ZKSCAN1: variants seen among roughly 807,000 people sequenced by gnomAD.
ZKSCAN1 encodes the protein zinc finger with KRAB and SCAN domains 1.
A neutral mutation model predicts 51.6 loss-of-function variants in ZKSCAN1; 14 were observed. The ratio of observed to expected loss-of-function variants is 0.27; its 90% CI spans 0.18 to 0.42. The LOEUF (loss-of-function observed/expected upper bound fraction) is 0.42. Ranked by LOEUF, ZKSCAN1 falls within the 10% of genes least tolerant of loss-of-function variation. The probability of loss-of-function intolerance (pLI) is 1.00; values close to 1 mark genes in which losing one functional copy is unlikely to be tolerated. For missense variants in ZKSCAN1, 531 were observed against 710.0 expected, an observed-to-expected ratio of 0.75 and a Z score of 2.86; for synonymous variants, 263 against 261.5, an observed-to-expected ratio of 1.01 and a Z score of -0.06.
chr7:100,044,657 GGTGATGGC>G (rs1488223236), downstream of ZKSCAN1: 1 of 505,382 alleles, frequency 2.0e-6, no homozygotes, highest in Non-Finnish European at 2.5e-6. Flanking sequence ...CTCCAGCCTG[GGTGATGGC>G]GTGAGACTCT....
downstream of ZKSCAN1, among the ~76,000 whole-genome samples, chr7:100,042,557 A>G (rs1791626171): frequency 6.6e-6 from 1 of 151,994 alleles, no homozygotes; most frequent in Non-Finnish European, 1.5e-5. Context: ...GACTGCCCCC[A>G]TTTCAGACGC....
chr7:100,019,635 T>A (rs991291582), intron 1 of ZKSCAN1, among the ~76,000 whole-genome samples: 3 of 152,236 alleles, frequency 2.0e-5, no homozygotes, highest in Non-Finnish European at 1.5e-5. Context: ...TTATTTCAAA[T>A]TCTGCCTCTA....
rs1791530471 is a variant in ZKSCAN1 at position 100,040,070 on chromosome 7, C to T, written c.*5873C>T. 1.1e-6 allele frequency: 1 copy of T among 886,226 alleles called. No homozygotes were observed. Among genetic ancestry groups the T allele is most frequent in the South Asian group, 5.2e-5 (1 of 19,262 alleles). 54.9% of individuals were successfully genotyped at this position (886,226 alleles called of 1,614,324 possible). A position where few individuals can be genotyped will look rare whatever the true frequency, so the allele number is the denominator to read the frequency against. On this transcript the variant is annotated 3_prime_UTR_variant, in exon 6 of 6. Transcript: ENST00000324306. Reference sequence around the variant, plus strand: ...TTTTATTATCTGAAAATGAAATTATCTGTTTTACTTTTCAAAGCTTTGTGA... The same window carrying T: ...TTTTATTATCTGAAAATGAAATTATTTGTTTTACTTTTCAAAGCTTTGTGA...
Position 100,029,771 on chromosome 7 carries a change from C to T in ZKSCAN1, c.581-90C>T, listed in dbSNP as rs1337584957. 5 of 1,214,382 alleles carry T rather than the reference C, an allele frequency of 4.1e-6. No homozygotes were observed. The East Asian group carries it at 1.2e-4, about 29-fold the overall frequency. The allele number at this position is 1,214,382 out of a possible 1,614,324, so 75.2% of individuals were successfully genotyped here. A position where few individuals can be genotyped will look rare whatever the true frequency, so the allele number is the denominator to read the frequency against. On this transcript the variant is annotated intron_variant, in intron 3 of 5. Transcript: ENST00000324306. ...ACCTAAACACTGAACAGTGAACATG[C>T]TGGTGCAGGAAGGAACATGCCCCGA...
In ZKSCAN1 at chr7:100,029,876, A is replaced by G. The variant is rs1189424100; in HGVS notation, c.596A>G (p.His199Arg). The change falls in exon 4 of 6, where the codon CAC becomes CGC. Residue 199 changes from histidine to arginine, a missense_variant. Around this residue, in one of 2 missense-constraint regions of ZKSCAN1, gnomAD observed 403 missense variants for 490.5 expected, o/e 0.82. Coordinates refer to ENST00000324306, the MANE Select transcript of ZKSCAN1 (RefSeq NM_003439.4). ...CCTCCCCCAGCTCTTCCTGCTGCCCACATTCCTGCACCCCCTCATGAGGGT... is the reference window on the plus strand; with the variant it reads ...CCTCCCCCAGCTCTTCCTGCTGCCCGCATTCCTGCACCCCCTCATGAGGGT... ...LLQSRALPAA[H>R]IPAPPHEGSP... The G allele has an allele frequency of 5.0e-6, 8 of 1,613,944 alleles. No individual in the cohort carries two copies. The highest frequency in any genetic ancestry group is 6.8e-6 in the Non-Finnish European group (8 of 1,179,974).
At chr7:100,028,492 G>A (rs577967757) in intron 3 of ZKSCAN1, among the ~76,000 whole-genome samples, 5 of 152,222 alleles carry the variant, frequency 3.3e-5, no homozygotes, top group Admixed American at 6.5e-5. Flanking sequence ...CAACCTGGGT[G>A]ACAGAGAGCC....
Position 100,035,374 on chromosome 7 carries a change from TATC to T in ZKSCAN1, c.*1181_*1183del, listed in dbSNP as rs1449761455. The T allele has an allele frequency of 1.3e-5, 2 of 152,244 alleles. No homozygotes were observed. Among genetic ancestry groups the T allele is most frequent in the African/African-American group, 4.8e-5 (2 of 41,464 alleles). The allele number at this position is 152,244 out of a possible 1,614,324, so 9.4% of individuals were successfully genotyped here. ...TACCATGGAATGTCAGAAATGACTT[TATC>T]ATCGTCATCTTGAAGAAAAATATGA... On this transcript the variant is annotated 3_prime_UTR_variant, in exon 6 of 6. Coordinates refer to ENST00000324306, the MANE Select transcript of ZKSCAN1 (RefSeq NM_003439.4).
downstream of ZKSCAN1, among the ~76,000 whole-genome samples, chr7:100,042,484 A>G (rs1791623990): frequency 6.6e-6 from 1 of 152,012 alleles, no homozygotes; most frequent in Non-Finnish European, 1.5e-5. Flanking sequence ...ATACGATTCA[A>G]TTCAATTCTG....
rs929271112 is a variant in ZKSCAN1, at chr7:100,035,169, T to C, written c.*972T>C. ...CTGACTTCTACAGGACTTCTACGTG[T>C]GTGATAAAAGCCTGTGAATCGTGAG... is the stretch of plus-strand genomic sequence containing the variant. On this transcript the variant is annotated 3_prime_UTR_variant, in exon 6 of 6. Transcript: ENST00000324306. The C allele has an allele frequency of 1.3e-5, 2 of 152,474 alleles. No homozygotes were observed. The highest frequency in any genetic ancestry group is 4.8e-5 in the African/African-American group (2 of 41,426). The allele number at this position is 152,474 out of a possible 1,614,324, so 9.4% of individuals were successfully genotyped here. A position where few individuals can be genotyped will look rare whatever the true frequency, so the allele number is the denominator to read the frequency against.
intron 1 of ZKSCAN1, among the ~76,000 whole-genome samples, chr7:100,016,295 A>T (rs1431266754): frequency 6.6e-6 from 1 of 152,078 alleles, no homozygotes; most frequent in Admixed American, 6.6e-5. Context: ...CATAGTGGAT[A>T]AATAGGTGAT....
chr7:100,024,409 C>T (rs1458201160), intron 3 of ZKSCAN1, 102 bp downstream of exon 3: 9 of 1,396,236 alleles, frequency 6.4e-6, no homozygotes, highest in African/African-American at 2.9e-5. Context: ...TCCTGGGCAA[C>T]GTAGCGAGAC....
chr7:100,033,343 A>G lies in ZKSCAN1; in HGVS notation c.838A>G (p.Lys280Glu), dbSNP rs867365858. The G allele has an allele frequency of 2.5e-6, 4 of 1,612,732 alleles. No individual in the cohort carries two copies. The highest frequency in any genetic ancestry group is 3.3e-4 in the Middle Eastern group (2 of 6,060). ...GAATGAGAACGAGGAGTCAACCTCA[A>G]AGGCTGAAACCTCGGAAGATTCAGC... ...NRNENEESTSKAETSEDSASR... is the reference protein window; with the variant it reads ...NRNENEESTSEAETSEDSASR... The change falls in exon 6 of 6, where the codon AAG becomes GAG. Residue 280 changes from lysine to glutamate, a missense_variant. Physicochemically the swap from Lys to Glu is moderately conservative, Grantham distance 56. Coordinates refer to ENST00000324306, the MANE Select transcript of ZKSCAN1 (RefSeq NM_003439.4). The surrounding 1 kb of genome is among the most constrained non-coding windows in gnomAD (Gnocchi z 4.1).
At chr7:100,026,050 G>A (rs1165725225) in intron 3 of ZKSCAN1, among the ~76,000 whole-genome samples, 4 of 151,878 alleles carry the variant, frequency 2.6e-5, no homozygotes, top group Non-Finnish European at 5.9e-5. Context: ...GAGAAACCCC[G>A]TCTTTACTAA....
In ZKSCAN1 at chr7:100,034,173, C is replaced by T. The variant is rs147984747; in HGVS notation, c.1668C>T (p.Gly556=). The change falls in exon 6 of 6, where the codon GGC becomes GGT. Residue 556 remains glycine, a synonymous_variant. Coordinates refer to ENST00000324306, the MANE Select transcript of ZKSCAN1 (RefSeq NM_003439.4). ...GCCCAGCCTCCCTTGATGCATTTGG[C>T]GCGTTCCTGAAAAGTTGTGTGTAAA... is the stretch of plus-strand genomic sequence containing the variant. The part of the protein sequence containing the change: ...EYSPASLDAF[G]AFLKSCV 30 of 1,513,602 alleles carry T rather than the reference C, an allele frequency of 2.0e-5. No homozygotes were observed. Among genetic ancestry groups the T allele is most frequent in the African/African-American group, 1.9e-4 (14 of 71,868 alleles). 93.8% of individuals were successfully genotyped at this position (1,513,602 alleles called of 1,614,324 possible). A position where few individuals can be genotyped will look rare whatever the true frequency, so the allele number is the denominator to read the frequency against.
In ZKSCAN1 at chr7:100,039,009, GGTT is replaced by G. The variant is rs1791484229; in HGVS notation, c.*4814_*4816del. Reference sequence around the variant, plus strand: ...GACTCCATGTCAAAAAAAAAAAAAAGGTTGGGGGGAGGATAGGACTGGCCAGGC... The same window carrying G: ...GACTCCATGTCAAAAAAAAAAAAAAGGGGGGGAGGATAGGACTGGCCAGGC... On this transcript the variant is annotated 3_prime_UTR_variant, in exon 6 of 6. Coordinates refer to ENST00000324306, the MANE Select transcript of ZKSCAN1 (RefSeq NM_003439.4). The G allele has an allele frequency of 6.8e-6, 1 of 147,222 alleles. No individual in the cohort carries two copies. The highest frequency in any genetic ancestry group is 1.5e-5 in the Non-Finnish European group (1 of 68,856). 9.1% of individuals were successfully genotyped at this position (147,222 alleles called of 1,614,324 possible). A position where few individuals can be genotyped will look rare whatever the true frequency, so the allele number is the denominator to read the frequency against.
In ZKSCAN1 at chr7:100,039,716, G is replaced by A. The variant is rs888348080; in HGVS notation, c.*5519G>A. 8 of 985,290 alleles carry A rather than the reference G, an allele frequency of 8.1e-6. No individual in the cohort carries two copies. Among genetic ancestry groups the A allele is most frequent in the Non-Finnish European group, 9.6e-6 (8 of 829,962 alleles). 61.0% of individuals were successfully genotyped at this position (985,290 alleles called of 1,614,324 possible). ...CAGAACTGAAATACACTTAAACAGTGACAGCAGTACTTCCCAGGGTGGGGG... is the reference window on the plus strand; with the variant it reads ...CAGAACTGAAATACACTTAAACAGTAACAGCAGTACTTCCCAGGGTGGGGG... On this transcript the variant is annotated 3_prime_UTR_variant, in exon 6 of 6. Coordinates refer to ENST00000324306, the MANE Select transcript of ZKSCAN1 (RefSeq NM_003439.4).
Position 100,041,107 on chromosome 7 carries a change from C to A in ZKSCAN1, c.*6910C>A. On this transcript the variant is annotated 3_prime_UTR_variant, in exon 6 of 6. Transcript: ENST00000324306. ...AGCCTAAATCTATATAGAGGGCTAA[C>A]TCAGGCATTGTCTTGTTTATTTGTA... is the stretch of plus-strand genomic sequence containing the variant. The A allele has an allele frequency of 1.2e-6, 1 of 859,922 alleles. No homozygotes were observed. Among genetic ancestry groups the A allele is most frequent in the Non-Finnish European group, 1.4e-6 (1 of 715,506 alleles). 53.3% of individuals were successfully genotyped at this position (859,922 alleles called of 1,614,324 possible).
Position 100,038,856 on chromosome 7 carries a change from G to A in ZKSCAN1, c.*4659G>A, listed in dbSNP as rs532545136. ...TAAAAATACAAAAAAATAGCTGGGC[G>A]TGGTGGCGGGCGCCTGTAGTCCCAG... On this transcript the variant is annotated 3_prime_UTR_variant, in exon 6 of 6. Coordinates refer to ENST00000324306, the MANE Select transcript of ZKSCAN1 (RefSeq NM_003439.4). 2.3e-5 allele frequency: 11 copies of A among 472,812 alleles called. No homozygotes were observed. The highest frequency in any genetic ancestry group is 9.1e-5 in the South Asian group (1 of 10,944). The allele number at this position is 472,812 out of a possible 1,614,324, so 29.3% of individuals were successfully genotyped here.
At chr7:100,024,353 G>T (rs770683521) in intron 3 of ZKSCAN1, 46 bp downstream of exon 3, 2 of 1,601,090 alleles carry the variant, frequency 1.2e-6, no homozygotes, top group African/African-American at 1.3e-5. Context: ...GATTCAGGAC[G>T]AGAGTCTTTG....
Sources: allele counts gnomAD v4.1 joint callset (sites outside exome capture counted in the v4.1 genomes callset), GRCh38; gene constraint gnomAD v4.1.1; regional missense constraint gnomAD v4.1.1; non-coding constraint Gnocchi (gnomAD v3.1); transcripts MANE v1.5; gene names NCBI Gene and HGNC (gene_info 2026-07-23, HGNC 2026-07-21).